The following HERC1 variants were observed in gnomAD, a reference collection of about 807,000 sequenced individuals.
HERC1 encodes the protein probable E3 ubiquitin-protein ligase HERC1.
In HERC1, 160 loss-of-function variants were observed where a neutral mutation model predicts 554.3. The ratio of observed to expected loss-of-function variants is 0.29; its 90% CI spans 0.25 to 0.33. The LOEUF is 0.33. Among genes scored for constraint, HERC1 ranks in the 10% least tolerant of loss-of-function variants. The pLI is 1.00. For missense variants in HERC1, 4,919 were observed against 5,918.5 expected, an observed-to-expected ratio of 0.83 and a Z score of 5.54; for synonymous variants, 2,175 against 2,131.7, an observed-to-expected ratio of 1.02 and a Z score of -0.56.
rs145632130 is a variant in HERC1, at chr15:63,650,576, C to T, written c.10547-651G>A. On this transcript the variant is annotated intron_variant, in intron 53 of 77. Coordinates refer to ENST00000443617, the MANE Select transcript of HERC1 (RefSeq NM_003922.4). ...GAGGTTCCAGGCATATGTCACCACG[C>T]CTGGCTGTCTGTAACTATTAATAGG... Among the ~76,000 whole-genome samples, 826 of 152,100 alleles carry T rather than the reference C, an allele frequency of 5.4e-3. 6 individuals are homozygous for T. The highest frequency in any genetic ancestry group is 8.7e-3 in the South Asian group (42 of 4,814).
At chr15:63,613,579 T>C (rs1033178267) in intron 76 of HERC1, among the ~76,000 whole-genome samples, 33 of 152,156 alleles carry the variant, frequency 2.2e-4, no homozygotes, top group African/African-American at 7.2e-4. Context: ...ATATGTTAAT[T>C]TGCTTCACTA....
At chr15:63,783,483 C>A (rs922446398) in intron 1 of HERC1, among the ~76,000 whole-genome samples, 4 of 152,152 alleles carry the variant, frequency 2.6e-5, no homozygotes, top group Non-Finnish European at 5.9e-5. Context: ...ACTTAACAGA[C>A]TACAGTATAC....
At chr15:63,617,853 GTTGT>G (rs1245101827) in intron 74 of HERC1, among the ~76,000 whole-genome samples, 5 of 151,776 alleles carry the variant, frequency 3.3e-5, no homozygotes, top group Non-Finnish European at 7.4e-5. Context: ...TTTTGATGGG[GTTGT>G]TTTTTTCTTG....
At chr15:63,673,676 C>T (rs1227824742) in intron 38 of HERC1, among the ~76,000 whole-genome samples, 1 of 152,172 alleles carries the variant, frequency 6.6e-6, no homozygotes, top group African/African-American at 2.4e-5. Context: ...AAAGTAGAGA[C>T]TTTAAAATTT....
chr15:63,648,797 A>T (rs1049201805), intron 54 of HERC1, among the ~76,000 whole-genome samples: 2 of 152,188 alleles, frequency 1.3e-5, no homozygotes, highest in African/African-American at 4.8e-5. Flanking sequence ...TTAAAACTTG[A>T]ATTTTTGAAC....
chr15:63,761,110 A>G (rs997195923), intron 3 of HERC1, among the ~76,000 whole-genome samples: 3 of 152,248 alleles, frequency 2.0e-5, no homozygotes, highest in African/African-American at 4.8e-5. Context: ...AAGAATAAAG[A>G]GCACAGCAAT....
chr15:63,723,225 G>A lies in HERC1; in HGVS notation c.3699C>T (p.Ala1233=), dbSNP rs762339596. The change falls in exon 19 of 78, where the codon GCC becomes GCT. Residue 1233 remains alanine, a synonymous_variant. Transcript: ENST00000443617. ...CCTGCATGCTGATCCAAAGGCTTCG[G>A]GCAGGCTCTTTAGAACAACCCAATG... is the stretch of plus-strand genomic sequence containing the variant. ...DLALGCSKEP[A]RSLWISMQDY... is the part of the protein sequence containing the mutation. 2 of 1,591,644 alleles carry A rather than the reference G, an allele frequency of 1.3e-6. No homozygotes were observed. Among genetic ancestry groups the A allele is most frequent in the Non-Finnish European group, 8.6e-7 (1 of 1,168,210 alleles).
In HERC1 at chr15:63,672,196, CA is replaced by C. The variant is rs1334006517; in HGVS notation, c.8045+299del. Among the ~76,000 whole-genome samples the C allele has an allele frequency of 5.9e-5, 9 of 152,048 alleles. No individual in the cohort carries two copies. The South Asian group carries it at 1.9e-3, about 32-fold the overall frequency. ...TACTTTTTGAGGAAAAAAAAATACTCAAAAACTTAGGGGAAAAAATTATCAT... is the reference window on the plus strand; with the variant it reads ...TACTTTTTGAGGAAAAAAAAATACTCAAAACTTAGGGGAAAAAATTATCAT... On this transcript the variant is annotated intron_variant, in intron 39 of 77. Coordinates refer to ENST00000443617, the MANE Select transcript of HERC1 (RefSeq NM_003922.4).
At chr15:63,795,571 T>C (rs1205989822) in intron 1 of HERC1, among the ~76,000 whole-genome samples, 1 of 152,192 alleles carries the variant, frequency 6.6e-6, no homozygotes, top group African/African-American at 2.4e-5. Context: ...ATATTTCATG[T>C]TTGCCCATTT....
chr15:63,805,099 T>C (rs1027247458), intron 1 of HERC1, among the ~76,000 whole-genome samples: 6 of 152,174 alleles, frequency 3.9e-5, no homozygotes, highest in African/African-American at 1.4e-4. Flanking sequence ...AAAATGAGAA[T>C]ACATGATTAC....
intron 19 of HERC1, among the ~76,000 whole-genome samples, chr15:63,720,829 T>C (rs2073787282): frequency 6.6e-6 from 1 of 152,246 alleles, no homozygotes; most frequent in African/African-American, 2.4e-5. Flanking sequence ...TAACACTCTT[T>C]GTTGTGTTTT....
intron 25 of HERC1, among the ~76,000 whole-genome samples, chr15:63,702,411 G>A (rs2072767135): frequency 6.6e-6 from 1 of 152,026 alleles, no homozygotes; most frequent in Admixed American, 6.6e-5. Context: ...AAAGATTAGG[G>A]GCGATAATCA....
rs756210841 is a variant in HERC1, at chr15:63,775,009, T to C, written c.615A>G (p.Pro205=). 5.6e-6 allele frequency: 9 copies of C among 1,613,938 alleles called. No individual in the cohort carries two copies. The highest frequency in any genetic ancestry group is 1.7e-6 in the Non-Finnish European group (2 of 1,179,894). The change falls in exon 2 of 78, where the codon CCA becomes CCG. Residue 205 remains proline, a synonymous_variant. Coordinates refer to ENST00000443617, the MANE Select transcript of HERC1 (RefSeq NM_003922.4). The surrounding 1 kb of genome is among the most constrained non-coding windows in gnomAD (Gnocchi z 4.0). ...TAIEVVSSLP[P]LSLANESKIP... is the part of the protein sequence containing the mutation. Reference sequence around the variant, plus strand: ...TCTTGCTTTCATTTGCTAATGATAATGGTGGCAAAGAGCTCACAACTTCAA... The same window carrying C: ...TCTTGCTTTCATTTGCTAATGATAACGGTGGCAAAGAGCTCACAACTTCAA...
intron 1 of HERC1, among the ~76,000 whole-genome samples, chr15:63,821,593 G>A (rs2077696287): frequency 6.8e-6 from 1 of 146,384 alleles, no homozygotes; most frequent in African/African-American, 2.5e-5. Context: ...GGGTGTGGTT[G>A]TGCACGCCTG....
intron 34 of HERC1, among the ~76,000 whole-genome samples, chr15:63,684,363 C>T (rs979662051): frequency 1.4e-4 from 21 of 151,878 alleles, no homozygotes; most frequent in Non-Finnish European, 2.2e-4. Context: ...ATGATTAGGA[C>T]GAAAGATGTA....
At chr15:63,666,605 G>A in intron 40 of HERC1, 133 bp from the exon 41 acceptor site, 2 of 608,292 alleles carry the variant, frequency 3.3e-6, no homozygotes, top group African/African-American at 1.9e-5. Flanking sequence ...ATATGTGGCT[G>A]GGCACTGTGG....
At position 63,716,317 on chromosome 15, in the gene HERC1, C is replaced by G; in HGVS notation, c.4135G>C (p.Val1379Leu). The G allele has an allele frequency of 6.2e-7, 1 of 1,613,696 alleles. No individual in the cohort carries two copies. The highest frequency in any genetic ancestry group is 8.5e-7 in the Non-Finnish European group (1 of 1,179,736). Residue 1379 changes from valine to leucine, a missense_variant, in exon 22 of 78, where the codon GTG (valine) becomes CTG (leucine). By Grantham distance (32) the Val-to-Leu change is conservative (BLOSUM62 1). Transcript: ENST00000443617. The part of the protein sequence containing the change: ...EDEEEEREHE[V>L]MTAGKIFQCF... Reference sequence around the variant, plus strand: ...GTATACTCACTGCCAGCTGTCATCACTTCATGTTCCCGTTCCTCCTCTTCA... The same window carrying G: ...GTATACTCACTGCCAGCTGTCATCAGTTCATGTTCCCGTTCCTCCTCTTCA...
chr15:63,814,660 G>C (rs775824044), intron 1 of HERC1, among the ~76,000 whole-genome samples: 13 of 152,086 alleles, frequency 8.5e-5, no homozygotes, highest in Admixed American at 5.9e-4. Flanking sequence ...GTAGAGACAG[G>C]GTTTTGCCAT....
chr15:63,615,685 G>A (rs1434496074), intron 76 of HERC1, 83 bp downstream of exon 76: 3 of 1,003,036 alleles, frequency 3.0e-6, no homozygotes, highest in East Asian at 2.7e-5. Flanking sequence ...ATACATATTA[G>A]CAGATTTTGG....
Sources: gnomAD v4.1 joint callset for allele counts (sites outside exome capture counted in the v4.1 genomes callset) on GRCh38, gnomAD v4.1.1 for gene constraint, Gnocchi (gnomAD v3.1) non-coding constraint, MANE v1.5 for transcripts, NCBI Gene and HGNC (gene_info 2026-07-23, HGNC 2026-07-21) for gene names.